Variants in TRIM55 observed in about 807,000 individuals in gnomAD.
TRIM55 encodes the protein tripartite motif containing 55.
TRIM55 carries 50 observed loss-of-function variants against 60.9 expected under a neutral mutation model. That is an observed-to-expected ratio of 0.82 (90% CI 0.65 to 1.04). The LOEUF (loss-of-function observed/expected upper bound fraction) is 1.04, where lower values mean the gene tolerates loss of function less well. Ranked by LOEUF, TRIM55 falls within the 50% of genes least tolerant of loss-of-function variation. The pLI, the probability that TRIM55 is intolerant of heterozygous loss-of-function variation, is 0.00. For synonymous variants in TRIM55, 237 were observed against 238.1 expected (o/e 1.00, Z 0.04); for missense variants, 681 against 666.9 (o/e 1.02, Z -0.23).
At chr8:66,171,457 A>C (rs951591820) in intron 9 of TRIM55, among the ~76,000 whole-genome samples, 21 of 152,170 alleles carry the variant, frequency 1.4e-4, no homozygotes, top group African/African-American at 4.8e-4. Context: ...GTATCTAAGG[A>C]TGCATTTATT....
intron 9 of TRIM55, among the ~76,000 whole-genome samples, chr8:66,164,406 T>C (rs994805144): frequency 6.6e-6 from 1 of 152,232 alleles, no homozygotes; most frequent in African/African-American, 2.4e-5. Flanking sequence ...AGCTAATATC[T>C]CTTGTACATT....
upstream of TRIM55, among the ~76,000 whole-genome samples, chr8:66,123,634 T>C (rs1808713968): frequency 6.6e-6 from 1 of 152,158 alleles, no homozygotes; most frequent in African/African-American, 2.4e-5. Flanking sequence ...GGCAGGAGGA[T>C]GGCTTGAAAT....
At chr8:66,114,712 A>T in the TRIM55 span, 1 of 448,706 alleles carries the variant, frequency 2.2e-6, no homozygotes, top group Non-Finnish European at 4.5e-6. Context: ...TCAAGTCCGC[A>T]GGGCGGACTG....
At chr8:66,169,562 C>A (rs538230977) in intron 9 of TRIM55, among the ~76,000 whole-genome samples, 1 of 151,952 alleles carries the variant, frequency 6.6e-6, no homozygotes, top group Non-Finnish European at 1.5e-5. Context: ...CTTTAGGAGC[C>A]GAGAAGGTAA....
At chr8:66,117,785 G>T in the TRIM55 span, among the ~76,000 whole-genome samples, 1 of 152,184 alleles carries the variant, frequency 6.6e-6, no homozygotes, top group African/African-American at 2.4e-5. Flanking sequence ...CCATTGGGAA[G>T]ACCTTGGGCT....
rs569120939 is a variant in TRIM55, at chr8:66,143,467, A to C, written c.604-6178A>C. ...CTGTAGAGTCAGAAGGGACTTTAGC[A>C]ATTATATAATTCAGTCTTTCACTGT... On this transcript the variant is annotated intron_variant, in intron 4 of 9. Transcript: ENST00000315962. Among the ~76,000 whole-genome samples, 60 of 152,334 alleles carry C rather than the reference A, an allele frequency of 3.9e-4. 2 individuals carry two copies. In the South Asian group the frequency reaches 7.9e-3, roughly 20 times the overall value.
intron 4 of TRIM55, among the ~76,000 whole-genome samples, chr8:66,149,353 T>G (rs370017019): frequency 6.6e-6 from 1 of 151,980 alleles, no homozygotes; most frequent in East Asian, 1.9e-4. Flanking sequence ...TAAAAGAAAA[T>G]CATTCTTTAT....
At chr8:66,163,993 G>A (rs927061095) in intron 9 of TRIM55, among the ~76,000 whole-genome samples, 1 of 151,106 alleles carries the variant, frequency 6.6e-6, no homozygotes, top group Non-Finnish European at 1.5e-5. Flanking sequence ...TTGAAGAATT[G>A]ATTCCAAGAT....
intron 7 of TRIM55, among the ~76,000 whole-genome samples, chr8:66,151,981 G>A (rs1200235700): frequency 6.6e-6 from 1 of 152,192 alleles, no homozygotes; most frequent in Non-Finnish European, 1.5e-5. Context: ...GGCTTTGTAT[G>A]TTTTCTGAGA....
chr8:66,134,105 AATT>A (rs1809336866), intron 2 of TRIM55, among the ~76,000 whole-genome samples: 1 of 152,210 alleles, frequency 6.6e-6, no homozygotes, highest in African/African-American at 2.4e-5. Context: ...TAGCTCCCTA[AATT>A]GATTTCATGG....
intron 3 of TRIM55, 90 bp downstream of exon 3, chr8:66,135,245 T>C: frequency 6.9e-7 from 1 of 1,453,916 alleles, no homozygotes; most frequent in South Asian, 1.2e-5. Context: ...CTCCCTGCGG[T>C]GGAGGAGGAA....
chr8:66,154,304 G>A lies in TRIM55; in HGVS notation c.1494G>A (p.Lys498=), dbSNP rs1268302038. 1 of 1,613,986 alleles carries A rather than the reference G, an allele frequency of 6.2e-7. No individual in the cohort carries two copies. Among genetic ancestry groups the A allele is most frequent in the Non-Finnish European group, 8.5e-7 (1 of 1,180,010 alleles). The change falls in exon 9 of 10, where the codon AAG becomes AAA. Residue 498 remains lysine, a synonymous_variant. Coordinates refer to ENST00000315962, the MANE Select transcript of TRIM55 (RefSeq NM_184085.2). ...GTGAGAGGGCAGCTGTGAGTGGTAA[G>A]GAAACTAGTGCACCTGCAGCTACTT... The part of the protein sequence containing the change: ...AASERAAVSG[K]ETSAPAATSQ...
intron 9 of TRIM55, among the ~76,000 whole-genome samples, chr8:66,166,309 A>G (rs1337740301): frequency 6.6e-6 from 1 of 152,214 alleles, no homozygotes; most frequent in Non-Finnish European, 1.5e-5. Flanking sequence ...CAACTCTACA[A>G]TTCTGTGAAC....
chr8:66,172,680 T>C (rs1319481449), intron 9 of TRIM55, among the ~76,000 whole-genome samples: 1 of 152,338 alleles, frequency 6.6e-6, no homozygotes, highest in East Asian at 1.9e-4. Flanking sequence ...TACCAGCAGT[T>C]TCCCAAAGGT....
At chr8:66,131,350 G>C (rs1397457665) in intron 2 of TRIM55, among the ~76,000 whole-genome samples, 1 of 152,124 alleles carries the variant, frequency 6.6e-6, no homozygotes, top group Non-Finnish European at 1.5e-5. Flanking sequence ...TCATTCCCCA[G>C]AGTCAACCAC....
chr8:66,145,865 G>A, intron 4 of TRIM55, among the ~76,000 whole-genome samples: 1 of 152,168 alleles, frequency 6.6e-6, no homozygotes, highest in East Asian at 1.9e-4. Flanking sequence ...ATTTTTTAAA[G>A]TTACTTAAAA....
At chr8:66,115,565 C>CA in the TRIM55 span, among the ~76,000 whole-genome samples, 4 of 152,270 alleles carry the variant, frequency 2.6e-5, no homozygotes, top group Non-Finnish European at 2.9e-5. Context: ...GTGGAGGACA[C>CA]ACGTTTCGGG....
At chr8:66,133,816 G>C (rs895639556) in intron 2 of TRIM55, among the ~76,000 whole-genome samples, 48 of 152,226 alleles carry the variant, frequency 3.2e-4, no homozygotes, top group Middle Eastern at 3.4e-3. Context: ...CATCAAAAAA[G>C]ATGGGTTTCA....
chr8:66,127,972 T>A (rs1420854705), intron 1 of TRIM55, among the ~76,000 whole-genome samples: 1 of 152,016 alleles, frequency 6.6e-6, no homozygotes, highest in Non-Finnish European at 1.5e-5. Context: ...AGAATCATAT[T>A]TTTTTTTAAG....
Sources: gnomAD v4.1 joint callset for allele counts (sites outside exome capture counted in the v4.1 genomes callset) on GRCh38, gnomAD v4.1.1 for gene constraint, MANE v1.5 for transcripts, NCBI Gene and HGNC (gene_info 2026-07-23, HGNC 2026-07-21) for gene names.